The following ALK variants were observed in gnomAD, a reference collection of about 807,000 sequenced individuals.
ALK encodes the protein ALK tyrosine kinase receptor.
Under a neutral mutation model 163.1 loss-of-function variants are expected in ALK, and 74 were observed. The observed-to-expected ratio is 0.45, with a 90% CI of 0.38 to 0.55. The LOEUF (loss-of-function observed/expected upper bound fraction) is 0.55. ALK is among the 20% of genes least tolerant of loss of function. The pLI, the probability that ALK is intolerant of heterozygous loss-of-function variation, is 0.00. For synonymous variants in ALK, 960 were observed against 843.2 expected, an observed-to-expected ratio of 1.14 and a Z score of -2.40; for missense variants, 2,063 against 2,105.3, an observed-to-expected ratio of 0.98 and a Z score of 0.39.
rs150048317 is a variant in ALK, at chr2:29,838,453, A to G, written c.667+81540T>C. Among the ~76,000 whole-genome samples, 152 of 152,286 alleles carry G rather than the reference A, an allele frequency of 1.0e-3. 1 individual carries two copies. The highest frequency in any genetic ancestry group is 3.5e-3 in the African/African-American group (146 of 41,576). On this transcript the variant is annotated intron_variant, in intron 1 of 28. Coordinates refer to ENST00000389048, the MANE Select transcript of ALK (RefSeq NM_004304.5). ...AAATTGTTAAAAACTAATGATAGAA[A>G]GATAAAAGATTTGTATAAAAATGTT...
At chr2:29,272,240 C>T (rs1351118630) in intron 11 of ALK, among the ~76,000 whole-genome samples, 1 of 151,956 alleles carries the variant, frequency 6.6e-6, no homozygotes, top group African/African-American at 2.4e-5. Context: ...CCCGTGGTCA[C>T]ATTACCCCAA....
rs147640694 is a variant in ALK at position 29,532,038 on chromosome 2, T to A, written c.1031A>T (p.His344Leu). 6.2e-7 allele frequency: 1 copy of A among 1,613,680 alleles called. No homozygotes were observed. The highest frequency in any genetic ancestry group is 1.3e-5 in the African/African-American group (1 of 74,884). The stretch of plus-strand genomic sequence containing the variant: ...GTGCACCGAGACGGCCAGTGTGCAG[T>A]GCTCACTGCTGCTCCTCATCCACGG... ...LSPWMRSSSE[H>L]CTLAVSVHRH... Residue 344 changes from histidine (H) to leucine (L), a missense_variant, in exon 4 of 29, where the codon CAC (histidine) becomes CTC (leucine). By Grantham distance (99) the His-to-Leu change is moderately conservative (BLOSUM62 -3). Transcript: ENST00000389048.
At chr2:29,906,822 G>A (rs1455287662) in intron 1 of ALK, among the ~76,000 whole-genome samples, 1 of 151,856 alleles carries the variant, frequency 6.6e-6, no homozygotes, top group South Asian at 2.1e-4. Flanking sequence ...AATTACAGAG[G>A]AATAGAATTT....
At chr2:29,678,980 C>T (rs1433697998) in intron 3 of ALK, among the ~76,000 whole-genome samples, 2 of 151,876 alleles carry the variant, frequency 1.3e-5, no homozygotes, top group African/African-American at 2.4e-5. Context: ...AAATCTCCCA[C>T]TATAATTGTT....
In ALK at chr2:29,193,328, G is replaced by A. The variant is rs765866043; in HGVS notation, c.4759C>T (p.Gln1587Ter). The change falls in exon 29 of 29, where the codon CAG (glutamine) becomes TAG (stop). Residue 1587 changes from glutamine (Q) to a stop codon, truncating the protein, a stop_gained. Coordinates refer to ENST00000389048, the MANE Select transcript of ALK (RefSeq NM_004304.5). LOFTEE classifies it low-confidence loss of function (END_TRUNC). ...GCTTCTAAGGGCAAGCCCTGTTGCT[G>A]GTAGCCGTAATTGACATTCCCACAA... The part of the protein sequence containing the change: ...FPCGNVNYGY[Q>*]QQGLPLEAAT... 6.2e-7 allele frequency: 1 copy of A among 1,614,204 alleles called. No individual in the cohort carries two copies. Among genetic ancestry groups the A allele is most frequent in the Non-Finnish European group, 8.5e-7 (1 of 1,180,026 alleles).
chr2:29,678,745 TGTATAATTTTATAC>T (rs1677969594), intron 3 of ALK, among the ~76,000 whole-genome samples: 1 of 141,472 alleles, frequency 7.1e-6, no homozygotes, highest in Non-Finnish European at 1.6e-5. Context: ...ATTTTTTACT[TGTATAATTTTATAC>T]TTGTATAATT....
At position 29,193,705 on chromosome 2, in the gene ALK, A is replaced by C. The variant is rs756396898; in HGVS notation, c.4382T>G (p.Ile1461Ser). 10 of 1,610,898 alleles carry C rather than the reference A, an allele frequency of 6.2e-6. 1 individual carries two copies. In the South Asian group the frequency reaches 1.1e-4, roughly 18 times the overall value. ...KAAKKPTAAE[I>S]SVRVPRGPAV... is the part of the protein sequence containing the mutation. Reference sequence around the variant, plus strand: ...CGGCCCTCTAGGGACTCGAACAGAGATCTCTGCAGCTGTGGGTTTCTTTGC... The same window carrying C: ...CGGCCCTCTAGGGACTCGAACAGAGCTCTCTGCAGCTGTGGGTTTCTTTGC... Residue 1461 changes from isoleucine (I) to serine (S), a missense_variant, in exon 29 of 29, where the codon ATC becomes AGC. Ile to Ser is a moderately radical substitution (Grantham distance 142). This residue lies in a region of ALK where 403 missense variants were observed against 366.2 expected (regional missense o/e 1.10). Coordinates refer to ENST00000389048, the MANE Select transcript of ALK (RefSeq NM_004304.5).
At chr2:29,433,353 T>A (rs1345627045) in intron 4 of ALK, among the ~76,000 whole-genome samples, 1 of 152,170 alleles carries the variant, frequency 6.6e-6, no homozygotes, top group Non-Finnish European at 1.5e-5. Flanking sequence ...ACAAGACGGA[T>A]GTTGACCACA....
At chr2:29,675,620 A>G (rs1013846647) in intron 3 of ALK, among the ~76,000 whole-genome samples, 1 of 151,898 alleles carries the variant, frequency 6.6e-6, no homozygotes, top group Non-Finnish European at 1.5e-5. Flanking sequence ...TTTTTCTTAG[A>G]TACTGAAAGT....
At chr2:29,573,638 G>A (rs970683750) in intron 3 of ALK, among the ~76,000 whole-genome samples, 5 of 152,160 alleles carry the variant, frequency 3.3e-5, no homozygotes, top group East Asian at 1.9e-4. Context: ...TGTATTATTC[G>A]TACTACTATG....
At chr2:29,528,778 T>C (rs895047709) in intron 4 of ALK, among the ~76,000 whole-genome samples, 1 of 152,168 alleles carries the variant, frequency 6.6e-6, no homozygotes, top group African/African-American at 2.4e-5. Flanking sequence ...TTCATTCAGT[T>C]CATGGGGACT....
chr2:29,782,441 A>G (rs771168426), intron 1 of ALK, among the ~76,000 whole-genome samples: 107 of 152,228 alleles, frequency 7.0e-4, no homozygotes, highest in Non-Finnish European at 1.2e-3. Context: ...CTGCAGGAAT[A>G]AAGCATTTTC....
intron 4 of ALK, among the ~76,000 whole-genome samples, chr2:29,412,791 T>C (rs1669754651): frequency 6.6e-6 from 1 of 152,212 alleles, no homozygotes; most frequent in Admixed American, 6.5e-5. Context: ...TTTTCAACAT[T>C]GCAAACAAGC....
intron 3 of ALK, among the ~76,000 whole-genome samples, chr2:29,605,997 G>A (rs1447146951): frequency 6.6e-6 from 1 of 151,870 alleles, no homozygotes; most frequent in Non-Finnish European, 1.5e-5. Context: ...TCCTTTCCAT[G>A]AAAAAGCCCC....
At chr2:29,742,603 A>G (rs1680091729) in intron 1 of ALK, among the ~76,000 whole-genome samples, 1 of 152,170 alleles carries the variant, frequency 6.6e-6, no homozygotes, top group Non-Finnish European at 1.5e-5. Context: ...AGGCACTGAC[A>G]CATTAGTCCA....
intron 1 of ALK, among the ~76,000 whole-genome samples, chr2:29,878,094 G>A (rs1475127521): frequency 6.6e-6 from 1 of 152,156 alleles, no homozygotes; most frequent in Non-Finnish European, 1.5e-5. Flanking sequence ...CATTGTACAA[G>A]ATAAAAAGCT....
At chr2:29,752,232 C>T (rs1680385235) in intron 1 of ALK, among the ~76,000 whole-genome samples, 1 of 152,018 alleles carries the variant, frequency 6.6e-6, no homozygotes, top group East Asian at 1.9e-4. Context: ...GATGAGTTTG[C>T]CCAACTATAA....
Position 29,499,186 on chromosome 2 carries a change from A to G in ALK, c.1154+32729T>C, listed in dbSNP as rs73923640. On this transcript the variant is annotated intron_variant, in intron 4 of 28. Coordinates refer to ENST00000389048, the MANE Select transcript of ALK (RefSeq NM_004304.5). ...GAATCCAACATCTGAGTATTTCTTG[A>G]GGGTCCTTCTCCAGGGTCTCCTTTT... Among the ~76,000 whole-genome samples, 285 of 152,024 alleles carry G rather than the reference A, an allele frequency of 1.9e-3. 2 individuals carry two copies. The highest frequency in any genetic ancestry group is 6.4e-3 in the African/African-American group (267 of 41,480).
intron 4 of ALK, among the ~76,000 whole-genome samples, chr2:29,495,350 T>C (rs1671998884): frequency 6.6e-6 from 1 of 152,204 alleles, no homozygotes; most frequent in Admixed American, 6.5e-5. Context: ...TTTATTTCTC[T>C]AGTTCCTTTC....
Sources: gnomAD v4.1 joint callset for allele counts (sites outside exome capture counted in the v4.1 genomes callset) on GRCh38, gnomAD v4.1.1 for gene constraint, gnomAD v4.1.1 regional missense constraint, MANE v1.5 for transcripts, NCBI Gene and HGNC (gene_info 2026-07-23, HGNC 2026-07-21) for gene names.